The following KIAA1217 variants were observed in gnomAD, a reference collection of about 807,000 sequenced individuals.
The protein encoded by KIAA1217 is sickle tail protein homolog.
Under a neutral mutation model 163.9 loss-of-function variants are expected in KIAA1217, and 88 were observed. That is an observed-to-expected ratio of 0.54 (90% CI 0.45 to 0.64). The LOEUF (loss-of-function observed/expected upper bound fraction) is 0.64, where lower values mean the gene tolerates loss of function less well. KIAA1217 is among the 30% of genes least tolerant of loss of function. KIAA1217 has a pLI of 0.00. For missense variants in KIAA1217, 2,372 were observed against 2,475.0 expected, an observed-to-expected ratio of 0.96 and a Z score of 0.88; for synonymous variants, 903 against 923.1, an observed-to-expected ratio of 0.98 and a Z score of 0.39.
chr10:23,714,873 C>G (rs1320587094), intron 1 of KIAA1217, among the ~76,000 whole-genome samples: 1 of 151,980 alleles, frequency 6.6e-6, no homozygotes, highest in African/African-American at 2.4e-5. Context: ...TCACCATTAC[C>G]CCAAGACCCA....
chr10:24,293,894 G>A (rs964850145), intron 2 of KIAA1217, among the ~76,000 whole-genome samples: 1 of 152,114 alleles, frequency 6.6e-6, no homozygotes, highest in African/African-American at 2.4e-5. Context: ...TCCGACCGAC[G>A]TCTTTGAAAT....
intron 2 of KIAA1217, among the ~76,000 whole-genome samples, chr10:24,245,339 C>G (rs188494947): frequency 1.3e-5 from 2 of 152,272 alleles, no homozygotes; most frequent in Non-Finnish European, 2.9e-5. Flanking sequence ...GTTGCACCTG[C>G]TCTGTGCTCT....
rs780460642 is a variant in KIAA1217 at position 23,795,568 on chromosome 10, T to C, written c.-321+100334T>C. On this transcript the variant is annotated intron_variant, in intron 1 of 18. Coordinates refer to the KIAA1217 transcript ENST00000376462. ...AAATCATAAATCATTATATGGTGGT[T>C]ATAAAGTGGTTCGGTCCAAAAGGCT... Among the ~76,000 whole-genome samples the C allele has an allele frequency of 2.6e-5, 4 of 152,310 alleles. No individual in the cohort carries two copies. In the East Asian group the frequency reaches 5.8e-4, roughly 22 times the overall value.
intron 2 of KIAA1217, among the ~76,000 whole-genome samples, chr10:24,290,512 A>G (rs2078982972): frequency 6.6e-6 from 1 of 152,164 alleles, no homozygotes; most frequent in Admixed American, 6.5e-5. Context: ...AGTGTAAAAA[A>G]AAAAAAGTTC....
intron 1 of KIAA1217, among the ~76,000 whole-genome samples, chr10:23,887,227 G>T (rs1180617226): frequency 2.6e-5 from 4 of 151,808 alleles, no homozygotes; most frequent in African/African-American, 9.7e-5. Flanking sequence ...GTGTGCCAGA[G>T]TCTTTTTTTA....
chr10:24,235,383 G>GT (rs1491502919), intron 2 of KIAA1217, among the ~76,000 whole-genome samples: 3 of 152,138 alleles, frequency 2.0e-5, no homozygotes, highest in Non-Finnish European at 4.4e-5. Flanking sequence ...AAGATCAAGG[G>GT]TTTAGCATTA....
At chr10:24,501,267 A>G in intron 8 of KIAA1217, 112 bp from the exon 9 acceptor site, 1 of 869,864 alleles carries the variant, frequency 1.1e-6, no homozygotes, top group Non-Finnish European at 1.7e-6. Flanking sequence ...TATTTTTTGT[A>G]ATGAGAGAAT....
chr10:23,798,971 A>G (rs1196687215), intron 1 of KIAA1217, among the ~76,000 whole-genome samples: 1 of 152,202 alleles, frequency 6.6e-6, no homozygotes, highest in Non-Finnish European at 1.5e-5. Flanking sequence ...GAAATTCAAG[A>G]TTGAGATGTC....
chr10:23,733,903 G>T (rs1440203069), intron 1 of KIAA1217, among the ~76,000 whole-genome samples: 1 of 151,968 alleles, frequency 6.6e-6, no homozygotes. Context: ...TTTATAAATT[G>T]TTCTTTGTTA....
chr10:23,849,007 T>G (rs1388717725), intron 1 of KIAA1217, among the ~76,000 whole-genome samples: 2 of 152,060 alleles, frequency 1.3e-5, no homozygotes, highest in Non-Finnish European at 1.5e-5. Context: ...TATTTTCTAT[T>G]TCCCCAGAAC....
intron 5 of KIAA1217, among the ~76,000 whole-genome samples, chr10:24,446,389 T>C (rs2060935330): frequency 6.6e-6 from 1 of 151,440 alleles, no homozygotes; most frequent in Admixed American, 6.6e-5. Flanking sequence ...ACACTAAAAA[T>C]ATATCCATTA....
intron 3 of KIAA1217, among the ~76,000 whole-genome samples, chr10:24,418,943 G>C (rs7478585): frequency 6.6e-6 from 1 of 151,762 alleles, no homozygotes; most frequent in East Asian, 1.9e-4. Context: ...TTGGGAGGCC[G>C]AGGCAGGCGG....
intron 3 of KIAA1217, among the ~76,000 whole-genome samples, chr10:24,382,133 G>A (rs991443286): frequency 1.3e-4 from 19 of 151,652 alleles, no homozygotes; most frequent in Non-Finnish European, 2.4e-4. Flanking sequence ...TCTCTGTCAA[G>A]GGGGCAGATG....
intron 1 of KIAA1217, among the ~76,000 whole-genome samples, chr10:23,839,450 T>C (rs1161422864): frequency 2.6e-5 from 4 of 152,180 alleles, no homozygotes; most frequent in African/African-American, 9.6e-5. Context: ...TTTGCTGATA[T>C]ACAGGGCAAG....
At chr10:23,738,071 A>G (rs1169115531) in intron 1 of KIAA1217, among the ~76,000 whole-genome samples, 4 of 152,150 alleles carry the variant, frequency 2.6e-5, no homozygotes, top group African/African-American at 7.2e-5. Flanking sequence ...CCCTCCACGC[A>G]TAATACTCTG....
intron 2 of KIAA1217, among the ~76,000 whole-genome samples, chr10:24,077,508 A>G (rs1286827285): frequency 6.6e-6 from 1 of 152,294 alleles, no homozygotes; most frequent in East Asian, 1.9e-4. Context: ...AAAGGACATG[A>G]TCTCATTCCT....
intron 3 of KIAA1217, among the ~76,000 whole-genome samples, chr10:24,425,741 TA>T (rs2059121311): frequency 6.6e-6 from 1 of 152,208 alleles, no homozygotes; most frequent in South Asian, 2.1e-4. Flanking sequence ...CCTAAATGTG[TA>T]AAAGTTGAAT....
intron 1 of KIAA1217, among the ~76,000 whole-genome samples, chr10:23,959,133 A>C (rs1288726368): frequency 1.3e-5 from 2 of 151,964 alleles, no homozygotes; most frequent in South Asian, 4.2e-4. Flanking sequence ...ACTGTGACCT[A>C]TGTGCTGAAT....
chr10:23,959,014 C>T lies in KIAA1217; in HGVS notation c.-320-48211C>T, dbSNP rs117509169. On this transcript the variant is annotated intron_variant, in intron 1 of 18. Transcript: ENST00000376462. ...ATGTGCTCTGTGCCAGCCACGCTCT[C>T]GAACCATGGGCCTGACATTGTCTGC... Among the ~76,000 whole-genome samples the T allele has an allele frequency of 1.5e-4, 23 of 150,578 alleles. 1 individual carries two copies. In the East Asian group the frequency reaches 4.3e-3, roughly 28 times the overall value.
Sources: gnomAD v4.1 joint callset for allele counts (sites outside exome capture counted in the v4.1 genomes callset) on GRCh38, gnomAD v4.1.1 for gene constraint, MANE v1.5 for transcripts, NCBI Gene and HGNC (gene_info 2026-07-23, HGNC 2026-07-21) for gene names.